The following CFAP46 variants were observed in gnomAD, a reference collection of about 807,000 sequenced individuals.
The protein encoded by CFAP46 is cilia- and flagella-associated protein 46.
CFAP46 carries 245 observed loss-of-function variants against 325.7 expected under a neutral mutation model. The ratio of observed to expected loss-of-function variants is 0.75; its 90% CI spans 0.68 to 0.84. The LOEUF (loss-of-function observed/expected upper bound fraction) is 0.84. Ranked by LOEUF, CFAP46 falls within the 40% of genes least tolerant of loss-of-function variation. The pLI, the probability that CFAP46 is intolerant of heterozygous loss-of-function variation, is 0.00. For missense variants in CFAP46, 3,346 were observed against 3,543.0 expected (o/e 0.94, Z 1.41); for synonymous variants, 1,523 against 1,495.9 (o/e 1.02, Z -0.42).
chr10:132,856,975 A>G (rs1407525453), intron 39 of CFAP46, among the ~76,000 whole-genome samples: 1 of 152,178 alleles, frequency 6.6e-6, no homozygotes, highest in Non-Finnish European at 1.5e-5. Flanking sequence ...TCTCTCAGGC[A>G]GGTCTGGAGC....
intron 8 of CFAP46, among the ~76,000 whole-genome samples, chr10:132,931,046 C>T (rs1409315564): frequency 8.4e-6 from 1 of 118,638 alleles, no homozygotes; most frequent in African/African-American, 3.3e-5. Flanking sequence ...CCCACACTCC[C>T]CACACAGAGC....
chr10:132,812,915 C>A lies in CFAP46; in HGVS notation c.7389-18G>T. The A allele has an allele frequency of 1.3e-6, 2 of 1,591,818 alleles. No homozygotes were observed. The highest frequency in any genetic ancestry group is 1.7e-6 in the Non-Finnish European group (2 of 1,169,000). On this transcript the variant is annotated intron_variant, in intron 54 of 57. Coordinates refer to ENST00000368586, the MANE Select transcript of CFAP46 (RefSeq NM_001200049.3). ...GGGCCTGGCTGCAGAGAGAGGAGAG[C>A]GCTGGTCAACAGTGCCCATGCACCT...
At chr10:132,840,432 C>T (rs1417450218) in intron 44 of CFAP46, among the ~76,000 whole-genome samples, 2 of 152,142 alleles carry the variant, frequency 1.3e-5, no homozygotes, top group East Asian at 1.9e-4. Context: ...GTTTTGGCTT[C>T]GCTGTTTCTG....
chr10:132,916,553 A>G lies in CFAP46; in HGVS notation c.2116T>C (p.Tyr706His). ...GCCACTGTCGCCTCTGCCCACCTGT[A>G]TGTGATCCACTCAGCATTCACCTCC... Reference protein sequence around the residue: ...PPEVNAEWITYRTWIESLSRC... With the variant: ...PPEVNAEWITHRTWIESLSRC... Residue 706 changes from tyrosine (Y) to histidine (H), a missense_variant, in exon 17 of 58, where the codon TAC (tyrosine) becomes CAC (histidine). Physicochemically the swap from Tyr to His is moderately conservative, Grantham distance 83 (BLOSUM62 2). Transcript: ENST00000368586. The G allele has an allele frequency of 6.5e-7, 1 of 1,547,572 alleles. No homozygotes were observed. Among genetic ancestry groups the G allele is most frequent in the South Asian group, 1.2e-5 (1 of 83,906 alleles).
chr10:132,921,443 G>A (rs182976816), intron 13 of CFAP46, among the ~76,000 whole-genome samples: 1 of 152,222 alleles, frequency 6.6e-6, no homozygotes, highest in Non-Finnish European at 1.5e-5. Context: ...TGGGCCGTAC[G>A]GCCCCGTGTC....
At chr10:132,892,240 A>G in intron 25 of CFAP46, 93 bp downstream of exon 25, 1 of 1,207,046 alleles carries the variant, frequency 8.3e-7, no homozygotes. Context: ...ACGTCAGGGC[A>G]TGGGAATTTA....
intron 17 of CFAP46, among the ~76,000 whole-genome samples, chr10:132,913,728 C>T (rs1849591562): frequency 2.0e-5 from 3 of 152,186 alleles, no homozygotes; most frequent in Admixed American, 2.0e-4. Flanking sequence ...AGAGTGTGGA[C>T]TCTTCCTATG....
intron 50 of CFAP46, among the ~76,000 whole-genome samples, chr10:132,820,477 A>T (rs958750304): frequency 2.4e-4 from 33 of 135,684 alleles, no homozygotes; most frequent in South Asian, 1.5e-3. Flanking sequence ...GTGTGCTGTG[A>T]GTGCTGATGT....
chr10:132,871,848 C>T (rs1848899074), intron 32 of CFAP46, among the ~76,000 whole-genome samples: 1 of 152,250 alleles, frequency 6.6e-6, no homozygotes, highest in African/African-American at 2.4e-5. Flanking sequence ...AAGAGACTGA[C>T]TCCAATTTTG....
At chr10:132,941,780 A>C in intron 2 of CFAP46, 58 bp from the exon 3 acceptor site, 1 of 1,608,172 alleles carries the variant, frequency 6.2e-7, no homozygotes, top group Admixed American at 1.7e-5. Flanking sequence ...CTCCCTGCCC[A>C]GAAGCACCAC....
chr10:132,908,552 T>C lies in CFAP46; in HGVS notation c.2840A>G (p.His947Arg), dbSNP rs1232547283. 5 of 1,550,460 alleles carry C rather than the reference T, an allele frequency of 3.2e-6. No homozygotes were observed. In the South Asian group the frequency reaches 3.6e-5, roughly 11 times the overall value. ...QTLTRLTHFA[H>R]AARDHETTMA... ...GGTGGTCTCATGGTCACGCGCTGCA[T>C]GGGCGAAGTGGGTCAGCCGCGTCAG... Residue 947 changes from histidine to arginine, a missense_variant, in exon 22 of 58, where the codon CAT becomes CGT. Coordinates refer to ENST00000368586, the MANE Select transcript of CFAP46 (RefSeq NM_001200049.3).
At chr10:132,916,495 C>G in intron 17 of CFAP46, 54 bp downstream of exon 17, 1 of 1,512,124 alleles carries the variant, frequency 6.6e-7, no homozygotes, top group Non-Finnish European at 8.9e-7. Context: ...GTGCAGGGGA[C>G]ACTCTGACCC....
chr10:132,860,758 G>A, intron 36 of CFAP46, 24 bp downstream of exon 36: 1 of 1,548,770 alleles, frequency 6.5e-7, no homozygotes, highest in African/African-American at 1.4e-5. Flanking sequence ...CCGACATGCA[G>A]CCCCAGGTCC....
At chr10:132,870,625 G>A (rs1480889686) in intron 32 of CFAP46, among the ~76,000 whole-genome samples, 3 of 152,210 alleles carry the variant, frequency 2.0e-5, no homozygotes, top group Non-Finnish European at 4.4e-5. Context: ...CCTTCAGGCC[G>A]AAGTCTCATC....
chr10:132,933,779 G>A lies in CFAP46; in HGVS notation c.866+973C>T, dbSNP rs534460949. 5.9e-5 allele frequency among the ~76,000 whole-genome samples: 9 copies of A among 152,358 alleles called. No homozygotes were observed. The South Asian group carries it at 1.9e-3, about 32-fold the overall frequency. ...CTCGCTAGCACTGATGAAGCAAGCT[G>A]TCCCACCAGGACCGAGGCCTGAACC... On this transcript the variant is annotated intron_variant, in intron 8 of 57. Coordinates refer to ENST00000368586, the MANE Select transcript of CFAP46 (RefSeq NM_001200049.3).
At chr10:132,823,182 CTG>C (rs1470877122) in intron 50 of CFAP46, among the ~76,000 whole-genome samples, 1 of 115,192 alleles carries the variant, frequency 8.7e-6, no homozygotes, top group South Asian at 3.2e-4. Context: ...TGTCTGTGCG[CTG>C]TGTGCTGATG....
intron 44 of CFAP46, among the ~76,000 whole-genome samples, chr10:132,839,803 A>AT (rs1479435298): frequency 6.6e-6 from 1 of 152,228 alleles, no homozygotes; most frequent in Non-Finnish European, 1.5e-5. Context: ...GGTCAATGAT[A>AT]TCGAATGATT....
At chr10:132,829,295 C>T (rs1848111130) in intron 50 of CFAP46, among the ~76,000 whole-genome samples, 1 of 152,192 alleles carries the variant, frequency 6.6e-6, no homozygotes, top group African/African-American at 2.4e-5. Context: ...AAACTTATCC[C>T]TAATTATTTC....
At chr10:132,924,933 T>C in intron 10 of CFAP46, 47 bp from the exon 11 acceptor site, 1 of 1,353,752 alleles carries the variant, frequency 7.4e-7, no homozygotes, top group Non-Finnish European at 9.6e-7. Flanking sequence ...TGGCTCGAGC[T>C]GCGGGGCTGG....
Sources: allele counts gnomAD v4.1 joint callset (sites outside exome capture counted in the v4.1 genomes callset), GRCh38; gene constraint gnomAD v4.1.1; transcripts MANE v1.5; gene names NCBI Gene and HGNC (gene_info 2026-07-23, HGNC 2026-07-21).